YWHAE: variants seen among roughly 807,000 people sequenced by gnomAD.
The protein encoded by YWHAE is tyrosine 3-monooxygenase/tryptophan 5-monooxygenase activation protein epsilon.
YWHAE carries 4 observed loss-of-function variants against 30.1 expected under a neutral mutation model. The ratio of observed to expected loss-of-function variants is 0.13; its 90% CI spans 0.07 to 0.30. The LOEUF is 0.30. Among genes scored for constraint, YWHAE ranks in the 10% least tolerant of loss-of-function variants. The pLI, the probability that YWHAE is intolerant of heterozygous loss-of-function variation, is 1.00. For missense variants in YWHAE, 121 were observed against 315.9 expected, an observed-to-expected ratio of 0.38 and a Z score of 4.68; for synonymous variants, 118 against 111.8, an observed-to-expected ratio of 1.06 and a Z score of -0.35.
intron 4 of YWHAE, among the ~76,000 whole-genome samples, chr17:1,355,170 TTTG>T (rs1240712496): frequency 0.042 from 2,124 of 50,798 alleles, 94 homozygotes; most frequent in African/African-American, 0.058. Context: ...TTTTTTTTTT[TTTG>T]GGGGACGGGG....
At chr17:1,356,345 G>A (rs1287422080) in intron 4 of YWHAE, among the ~76,000 whole-genome samples, 2 of 152,082 alleles carry the variant, frequency 1.3e-5, no homozygotes, top group African/African-American at 2.4e-5. Context: ...CTCCAGCCTG[G>A]GCAAGAGAGC....
At chr17:1,395,304 G>A (rs943597940) in intron 1 of YWHAE, among the ~76,000 whole-genome samples, 5 of 152,154 alleles carry the variant, frequency 3.3e-5, no homozygotes, top group South Asian at 2.1e-4. Context: ...GAGGTGGGCA[G>A]ATCACCTGAG....
intron 1 of YWHAE, among the ~76,000 whole-genome samples, chr17:1,370,985 C>T (rs572075577): frequency 2.6e-5 from 4 of 152,124 alleles, no homozygotes; most frequent in African/African-American, 4.8e-5. Context: ...GGCGACACAG[C>T]GAGACTCCTT....
At chr17:1,382,492 G>C (rs1347835366) in intron 1 of YWHAE, among the ~76,000 whole-genome samples, 2 of 151,220 alleles carry the variant, frequency 1.3e-5, no homozygotes, top group Non-Finnish European at 2.9e-5. Flanking sequence ...AAGTAGCTGG[G>C]ACTACAGGCG....
At chr17:1,355,831 G>C (rs1177416572) in intron 4 of YWHAE, among the ~76,000 whole-genome samples, 4 of 152,094 alleles carry the variant, frequency 2.6e-5, no homozygotes, top group Non-Finnish European at 4.4e-5. Flanking sequence ...TTGAGGCCAG[G>C]AGTTCAAGAC....
Position 1,345,289 on chromosome 17 carries a change from T to TAAAAAAAA in YWHAE, c.*150_*157dup. Reference sequence around the variant, plus strand: ...CCTTTAAGAACTTTTGAAAACTGTTTAAAAAAAAAAAAAAAAAACCAACAG... The same window carrying TAAAAAAAA: ...CCTTTAAGAACTTTTGAAAACTGTTTAAAAAAAAAAAAAAAAAAAAAAAAAACCAACAG... On this transcript the variant is annotated 3_prime_UTR_variant, in exon 6 of 6. Transcript: ENST00000264335. The TAAAAAAAA allele has an allele frequency of 2.0e-6, 1 of 507,936 alleles. No individual in the cohort carries two copies. The highest frequency in any genetic ancestry group is 2.8e-5 in the South Asian group (1 of 36,336). 31.5% of individuals were successfully genotyped at this position (507,936 alleles called of 1,614,324 possible). A position where few individuals can be genotyped will look rare whatever the true frequency, so the allele number is the denominator to read the frequency against.
At chr17:1,353,763 C>CA (rs201551828) in intron 5 of YWHAE, among the ~76,000 whole-genome samples, 87 of 144,490 alleles carry the variant, frequency 6.0e-4, no homozygotes, top group East Asian at 1.3e-3. Context: ...GACTCCGTCT[C>CA]AAAAAAAAAA....
rs56351171 is a variant in YWHAE at position 1,354,964 on chromosome 17, GTTTTTTTTTT to G, written c.579-627_579-618del. ...GGCGTGAGCCACCGCGCCCAGCCTA[GTTTTTTTTTT>G]TTTTTTTTTTTTTTTTTTTTTTTAA... is the stretch of plus-strand genomic sequence containing the variant. On this transcript the variant is annotated intron_variant, in intron 4 of 5. Transcript: ENST00000264335. Among the ~76,000 whole-genome samples, 14 of 74,740 alleles carry G rather than the reference GTTTTTTTTTT, an allele frequency of 1.9e-4. No individual in the cohort carries two copies. In the South Asian group the frequency reaches 2.2e-3, roughly 11 times the overall value. The allele number at this position is 74,740 out of a possible 152,430, so 49.0% of individuals were successfully genotyped here.
intron 1 of YWHAE, among the ~76,000 whole-genome samples, chr17:1,371,413 A>G (rs2073040556): frequency 6.6e-6 from 1 of 151,868 alleles, no homozygotes; most frequent in African/African-American, 2.4e-5. Context: ...GCAGTAATAC[A>G]TTGAAGGGAA....
chr17:1,367,045 A>G (rs1483485985), intron 1 of YWHAE, among the ~76,000 whole-genome samples: 2 of 151,116 alleles, frequency 1.3e-5, no homozygotes, highest in Admixed American at 6.6e-5. Flanking sequence ...TCGGGAATAT[A>G]AAAAAAATTA....
chr17:1,366,845 G>T (rs557300463), intron 1 of YWHAE, among the ~76,000 whole-genome samples: 29 of 152,136 alleles, frequency 1.9e-4, no homozygotes, highest in Non-Finnish European at 3.8e-4. Flanking sequence ...GGAAGGCTGA[G>T]GCAGGAGAAC....
At chr17:1,364,254 TCG>T (rs1241148895) in intron 2 of YWHAE, among the ~76,000 whole-genome samples, 3 of 150,232 alleles carry the variant, frequency 2.0e-5, no homozygotes, top group African/African-American at 7.4e-5. Context: ...AGATGGAGTC[TCG>T]CGCTCTGTCA....
intron 2 of YWHAE, 57 bp downstream of exon 2, chr17:1,364,802 C>T (rs761282188): frequency 1.0e-4 from 165 of 1,591,558 alleles, no homozygotes; most frequent in Non-Finnish European, 1.3e-4. Context: ...TTAAGTGTAC[C>T]GTCCTACAGG....
chr17:1,347,958 T>A, intron 5 of YWHAE: 1 of 1,008,206 alleles, frequency 9.9e-7, no homozygotes, highest in East Asian at 7.1e-5. Flanking sequence ...TGAACGTGAC[T>A]TACAAAGTAG....
chr17:1,399,689 T>C, intron 1 of YWHAE: 3 of 448,402 alleles, frequency 6.7e-6, no homozygotes, highest in South Asian at 6.5e-5. Context: ...CCCAAGGCCG[T>C]CCCAGAAGCT....
chr17:1,388,601 G>A (rs895040824), intron 1 of YWHAE, among the ~76,000 whole-genome samples: 67 of 148,736 alleles, frequency 4.5e-4, no homozygotes, highest in African/African-American at 1.4e-3. Flanking sequence ...TAATAGAAAC[G>A]GAGTCTTGCA....
At chr17:1,369,505 T>C (rs1017813576) in intron 1 of YWHAE, among the ~76,000 whole-genome samples, 8 of 152,044 alleles carry the variant, frequency 5.3e-5, no homozygotes, top group South Asian at 4.1e-4. Flanking sequence ...AAAAAATAAA[T>C]AAACTGTACC....
intron 1 of YWHAE, among the ~76,000 whole-genome samples, chr17:1,378,531 C>T (rs149459694): frequency 6.6e-6 from 1 of 152,294 alleles, no homozygotes; most frequent in East Asian, 1.9e-4. Context: ...ACGATTATCA[C>T]GCACCTTCTC....
At chr17:1,369,104 AAAC>A (rs2150857464) in intron 1 of YWHAE, among the ~76,000 whole-genome samples, 1 of 152,336 alleles carries the variant, frequency 6.6e-6, no homozygotes, top group African/African-American at 2.4e-5. Context: ...CATATACACA[AAAC>A]AATGCACAGA....
Sources: allele counts gnomAD v4.1 joint callset (sites outside exome capture counted in the v4.1 genomes callset), GRCh38; gene constraint gnomAD v4.1.1; transcripts MANE v1.5; gene names NCBI Gene and HGNC (gene_info 2026-07-23, HGNC 2026-07-21).